LHFPL6: variants seen among roughly 807,000 people sequenced by gnomAD.
The protein encoded by LHFPL6 is LHFPL tetraspan subfamily member 6, also known as LHFPL tetraspan subfamily member 6 protein.
In LHFPL6, 9 loss-of-function variants were observed where a neutral mutation model predicts 20.6. The observed-to-expected ratio is 0.44, with a 90% confidence interval of 0.26 to 0.76. The LOEUF (loss-of-function observed/expected upper bound fraction) is 0.76. LHFPL6 is among the 30% of genes least tolerant of loss of function. The pLI is 0.20. For synonymous variants in LHFPL6, 105 were observed against 98.7 expected, an observed-to-expected ratio of 1.06 and a Z score of -0.38; for missense variants, 218 against 253.5, an observed-to-expected ratio of 0.86 and a Z score of 0.95.
intron 3 of LHFPL6, among the ~76,000 whole-genome samples, chr13:39,372,865 T>G (rs1870196796): frequency 6.6e-6 from 1 of 152,208 alleles, no homozygotes; most frequent in Admixed American, 6.5e-5. Flanking sequence ...GCTCTTCAAG[T>G]ATTATTTTGT....
intron 2 of LHFPL6, among the ~76,000 whole-genome samples, chr13:39,400,266 AAAAAACACTG>A (rs1160110758): frequency 1.3e-5 from 2 of 152,182 alleles, no homozygotes; most frequent in African/African-American, 4.8e-5. Flanking sequence ...ACTAACTTGG[AAAAAACACTG>A]ACGTGAGTTC....
At chr13:39,367,337 C>T (rs1429124309) in intron 3 of LHFPL6, among the ~76,000 whole-genome samples, 1 of 152,112 alleles carries the variant, frequency 6.6e-6, no homozygotes, top group Non-Finnish European at 1.5e-5. Flanking sequence ...TGTAACAATC[C>T]TGAACATGTA....
intron 3 of LHFPL6, among the ~76,000 whole-genome samples, chr13:39,363,440 T>C (rs77710342): frequency 2.0e-5 from 3 of 152,212 alleles, no homozygotes; most frequent in African/African-American, 7.2e-5. Flanking sequence ...AGAAGCCAGA[T>C]AGTAAATATT....
chr13:39,532,245 AC>A (rs372121880), intron 2 of LHFPL6, among the ~76,000 whole-genome samples: 79 of 151,690 alleles, frequency 5.2e-4, no homozygotes, highest in African/African-American at 1.8e-3. Context: ...CTGCTCAAAA[AC>A]CCTTAGTGGT....
At chr13:39,590,223 G>T (rs748997196) in intron 2 of LHFPL6, among the ~76,000 whole-genome samples, 2 of 152,158 alleles carry the variant, frequency 1.3e-5, no homozygotes. Flanking sequence ...AAGTTCTACA[G>T]ATCAAGGGTC....
intron 3 of LHFPL6, among the ~76,000 whole-genome samples, chr13:39,364,227 T>C (rs774238009): frequency 9.8e-4 from 150 of 152,294 alleles, no homozygotes; most frequent in Non-Finnish European, 1.9e-3. Flanking sequence ...CCCTGGAAGA[T>C]CTGAGAACTA....
chr13:39,424,338 A>G (rs1871583884), intron 2 of LHFPL6, among the ~76,000 whole-genome samples: 1 of 152,226 alleles, frequency 6.6e-6, no homozygotes, highest in Admixed American at 6.5e-5. Flanking sequence ...TAAAGGAATC[A>G]CACAATAAAG....
rs114424808 is a variant in LHFPL6, at chr13:39,349,646, T to C, written c.485-5592A>G. 5.8e-3 allele frequency among the ~76,000 whole-genome samples: 884 copies of C among 152,310 alleles called. 7 individuals carry two copies. The highest frequency in any genetic ancestry group is 0.02 in the African/African-American group (838 of 41,570). On this transcript the variant is annotated intron_variant, in intron 3 of 3. Transcript: ENST00000379589. ...CATTTCTATACTGATAATTGTGATA[T>C]GTGCTTTGAAGAAAAAAATCCAGGA...
At chr13:39,386,346 C>G (rs1262516134) in intron 2 of LHFPL6, among the ~76,000 whole-genome samples, 1 of 152,070 alleles carries the variant, frequency 6.6e-6, no homozygotes, top group Non-Finnish European at 1.5e-5. Flanking sequence ...TTCTTCAGAC[C>G]CTGGAAACTC....
At chr13:39,448,283 T>A (rs1278960009) in intron 2 of LHFPL6, among the ~76,000 whole-genome samples, 1 of 152,212 alleles carries the variant, frequency 6.6e-6, no homozygotes, top group Non-Finnish European at 1.5e-5. Context: ...ATCCTACATA[T>A]CATAATATAA....
chr13:39,402,748 T>G (rs7334879), intron 2 of LHFPL6, among the ~76,000 whole-genome samples: 19,890 of 151,898 alleles, frequency 0.13, 1,946 homozygotes, highest in East Asian at 0.31. Context: ...AGCAGAAGAG[T>G]AGCTGGAAAT....
intron 2 of LHFPL6, among the ~76,000 whole-genome samples, chr13:39,487,836 C>T (rs1460392727): frequency 1.3e-5 from 2 of 152,136 alleles, no homozygotes; most frequent in Admixed American, 6.5e-5. Flanking sequence ...ACCTGAGGTC[C>T]GGAGTTTCAG....
At chr13:39,588,562 T>C (rs936102885) in intron 2 of LHFPL6, among the ~76,000 whole-genome samples, 4 of 152,232 alleles carry the variant, frequency 2.6e-5, no homozygotes, top group African/African-American at 7.2e-5. Flanking sequence ...AAGAGGGAAC[T>C]GTAGTATGAC....
chr13:39,525,862 T>A (rs1332055229), intron 2 of LHFPL6, among the ~76,000 whole-genome samples: 2 of 58,704 alleles, frequency 3.4e-5, no homozygotes, highest in Non-Finnish European at 7.5e-5. Context: ...ACAGATAATT[T>A]TTCCTTTTTT....
At chr13:39,516,229 T>C (rs1286960597) in intron 2 of LHFPL6, among the ~76,000 whole-genome samples, 1 of 152,198 alleles carries the variant, frequency 6.6e-6, no homozygotes, top group East Asian at 1.9e-4. Context: ...CTCTAGGAAA[T>C]GAATGCCAAA....
intron 3 of LHFPL6, among the ~76,000 whole-genome samples, chr13:39,346,126 G>A (rs1869393745): frequency 6.6e-6 from 1 of 152,168 alleles, no homozygotes; most frequent in Non-Finnish European, 1.5e-5. Context: ...TTCACTGGAC[G>A]TTTACTGGAG....
chr13:39,440,312 G>T (rs1045736670), intron 2 of LHFPL6, among the ~76,000 whole-genome samples: 1 of 152,112 alleles, frequency 6.6e-6, no homozygotes, highest in Non-Finnish European at 1.5e-5. Flanking sequence ...CAGAGCTTTG[G>T]TGTGGTCTAC....
intron 2 of LHFPL6, among the ~76,000 whole-genome samples, chr13:39,397,775 G>A (rs1322291009): frequency 3.3e-5 from 5 of 152,146 alleles, no homozygotes; most frequent in Non-Finnish European, 7.4e-5. Context: ...GCCACGGAAA[G>A]AAAATAATTT....
chr13:39,349,310 T>C (rs1176195014), intron 3 of LHFPL6, among the ~76,000 whole-genome samples: 4 of 151,556 alleles, frequency 2.6e-5, no homozygotes, highest in African/African-American at 7.3e-5. Flanking sequence ...CAAAAGTACA[T>C]ATGCATACAT....
Sources: gnomAD v4.1 joint callset for allele counts (sites outside exome capture counted in the v4.1 genomes callset) on GRCh38, gnomAD v4.1.1 for gene constraint, MANE v1.5 for transcripts, NCBI Gene and HGNC (gene_info 2026-07-23, HGNC 2026-07-21) for gene names.